ANKRD30B: variants seen among roughly 807,000 people sequenced by gnomAD.
The protein encoded by ANKRD30B is ankyrin repeat domain-containing protein 30B.
Under a neutral mutation model 202.2 loss-of-function variants are expected in ANKRD30B, and 144 were observed. That is an observed-to-expected ratio of 0.71 (90% CI 0.62 to 0.82). The LOEUF (loss-of-function observed/expected upper bound fraction) is 0.82. Among genes scored for constraint, ANKRD30B ranks in the 40% least tolerant of loss-of-function variants. The pLI is 0.00. For missense variants in ANKRD30B, 1,487 were observed against 1,669.1 expected, an observed-to-expected ratio of 0.89 and a Z score of 1.90; for synonymous variants, 508 against 561.3, an observed-to-expected ratio of 0.91 and a Z score of 1.34.
Position 14,752,893 on chromosome 18 carries a change from G to C in ANKRD30B, c.391G>C (p.Asp131His). ...CANILIDAGA[D>H]LNYVDVYGNT... ...AAATATTCTCATAGATGCTGGTGCT[G>C]ATCTAAATTATGTAGATGTGTATGG... is the stretch of plus-strand genomic sequence containing the variant. The change falls in exon 3 of 44, where the codon GAT becomes CAT. Residue 131 changes from aspartate to histidine, a missense_variant. Around this residue, in one of 6 missense-constraint regions of ANKRD30B, gnomAD observed 889 missense variants for 841.4 expected, o/e 1.06. Coordinates refer to ENST00000690538, the MANE Select transcript of ANKRD30B (RefSeq NM_001367607.2). 6.2e-7 allele frequency: 1 copy of C among 1,607,636 alleles called. No homozygotes were observed. The highest frequency in any genetic ancestry group is 1.3e-5 in the African/African-American group (1 of 74,582).
At chr18:14,839,721 T>G (rs534830423) in intron 36 of ANKRD30B, among the ~76,000 whole-genome samples, 1 of 152,310 alleles carries the variant, frequency 6.6e-6, no homozygotes, top group African/African-American at 2.4e-5. Flanking sequence ...TTCCTTTTAT[T>G]CAAGCAGTTC....
intron 26 of ANKRD30B, 144 bp from the exon 27 acceptor site, chr18:14,809,842 A>G (rs1271536738): frequency 1.2e-6 from 1 of 805,962 alleles, no homozygotes; most frequent in African/African-American, 1.7e-5. Context: ...TAACAAATAC[A>G]ATAACCCAAA....
intron 39 of ANKRD30B, among the ~76,000 whole-genome samples, chr18:14,846,607 T>A (rs1396945065): frequency 1.3e-5 from 2 of 152,068 alleles, no homozygotes; most frequent in African/African-American, 4.8e-5. Flanking sequence ...GCATTTATGT[T>A]ATTATCTACA....
intron 14 of ANKRD30B, among the ~76,000 whole-genome samples, chr18:14,784,899 C>A (rs991099832): frequency 7.2e-5 from 11 of 152,214 alleles, no homozygotes; most frequent in African/African-American, 2.6e-4. Flanking sequence ...GGGATCAAGT[C>A]TTTTACTGAT....
In ANKRD30B at chr18:14,850,200, A is replaced by T. The variant is rs1432755195; in HGVS notation, c.3396-14A>T. 1 of 1,470,152 alleles carries T rather than the reference A, an allele frequency of 6.8e-7. No individual in the cohort carries two copies. Among genetic ancestry groups the T allele is most frequent in the East Asian group, 2.3e-5 (1 of 42,674 alleles). 91.1% of individuals were successfully genotyped at this position (1,470,152 alleles called of 1,614,324 possible). On this transcript the variant is annotated splice_polypyrimidine_tract_variant and intron_variant, in intron 40 of 43. Coordinates refer to ENST00000690538, the MANE Select transcript of ANKRD30B (RefSeq NM_001367607.2). Reference sequence around the variant, plus strand: ...TAACAAAATGAATTTTAAGATAAGTATGTTTAATGGCAGATTGACTTTAAA... The same window carrying T: ...TAACAAAATGAATTTTAAGATAAGTTTGTTTAATGGCAGATTGACTTTAAA...
chr18:14,853,692 C>T (rs1486637294), intron 42 of ANKRD30B, among the ~76,000 whole-genome samples, 117 bp from the exon 43 acceptor site: 1 of 152,074 alleles, frequency 6.6e-6, no homozygotes, highest in Non-Finnish European at 1.5e-5. Flanking sequence ...CACTAACAAG[C>T]AGCAGTGTGC....
intron 28 of ANKRD30B, among the ~76,000 whole-genome samples, chr18:14,811,277 T>A (rs2144064286): frequency 6.6e-6 from 1 of 151,608 alleles, no homozygotes; most frequent in East Asian, 1.9e-4. Flanking sequence ...AGTGGTGTGA[T>A]CTTGGCGCAC....
the ANKRD30B span, among the ~76,000 whole-genome samples, chr18:14,895,718 A>C: frequency 2.6e-5 from 4 of 152,252 alleles, no homozygotes; most frequent in East Asian, 7.7e-4. Context: ...GAAGCCACAA[A>C]AAGACAAGGG....
At chr18:14,868,885 C>T in the ANKRD30B span, among the ~76,000 whole-genome samples, 1 of 152,166 alleles carries the variant, frequency 6.6e-6, no homozygotes, top group Non-Finnish European at 1.5e-5. Context: ...TGGGACTCTC[C>T]TGTTGGTGTT....
At chr18:14,795,867 T>C (rs1472140998) in intron 16 of ANKRD30B, among the ~76,000 whole-genome samples, 21 of 151,752 alleles carry the variant, frequency 1.4e-4, no homozygotes, top group Middle Eastern at 3.4e-3. Context: ...TTTTTTTTTT[T>C]GGCGGTGGGT....
At chr18:14,926,929 G>A in the ANKRD30B span, among the ~76,000 whole-genome samples, 2 of 151,788 alleles carry the variant, frequency 1.3e-5, no homozygotes, top group South Asian at 2.1e-4. Flanking sequence ...AGGGTTGTGT[G>A]TGTGTGTGTG....
chr18:14,887,501 A>G, the ANKRD30B span, among the ~76,000 whole-genome samples: 1 of 152,116 alleles, frequency 6.6e-6, no homozygotes, highest in Non-Finnish European at 1.5e-5. Context: ...ATTGGCAAGA[A>G]TATGTGGTGA....
At chr18:14,901,016 A>C in the ANKRD30B span, among the ~76,000 whole-genome samples, 1 of 152,224 alleles carries the variant, frequency 6.6e-6, no homozygotes, top group Admixed American at 6.5e-5. Flanking sequence ...CTTCAAATGC[A>C]TTCTTCATAA....
rs796443992 is a variant in ANKRD30B at position 14,831,621 on chromosome 18, G to GT, written c.2847+176dup. On this transcript the variant is annotated intron_variant, in intron 34 of 43. Transcript: ENST00000690538. ...GAAATATGAGTAGTTGATTTAAACA[G>GT]TTTTTTTTTTGTTTTTTTGTTTGTT... Among the ~76,000 whole-genome samples the GT allele has an allele frequency of 7.9e-3, 1,164 of 148,100 alleles. 14 individuals are homozygous for GT. Among genetic ancestry groups the GT allele is most frequent in the African/African-American group, 0.021 (868 of 40,550 alleles).
the ANKRD30B span, among the ~76,000 whole-genome samples, chr18:14,898,657 A>G: frequency 1.3e-5 from 2 of 152,054 alleles, no homozygotes. Flanking sequence ...TTTACCTTTT[A>G]TTGACTCTTT....
the ANKRD30B span, among the ~76,000 whole-genome samples, chr18:14,873,297 G>C: frequency 6.6e-6 from 1 of 152,176 alleles, no homozygotes; most frequent in East Asian, 1.9e-4. Flanking sequence ...AGGCCGAGGT[G>C]GGTGGATCAC....
intron 28 of ANKRD30B, among the ~76,000 whole-genome samples, chr18:14,811,663 T>C (rs1969930794): frequency 1.1e-5 from 1 of 93,376 alleles, no homozygotes; most frequent in Admixed American, 1.2e-4. Flanking sequence ...TTCTAATGCA[T>C]AGGTGGTTGT....
intron 32 of ANKRD30B, chr18:14,825,390 A>G (rs1399718927): frequency 6.6e-6 from 1 of 152,214 alleles, no homozygotes; most frequent in African/African-American, 2.4e-5. Context: ...TACAGATTAA[A>G]TGACAAAACT....
intron 14 of ANKRD30B, 68 bp from the exon 15 acceptor site, chr18:14,786,971 G>T: frequency 6.8e-7 from 1 of 1,467,436 alleles, no homozygotes; most frequent in Non-Finnish European, 9.3e-7. Flanking sequence ...AAGTAGACTT[G>T]TGTATGTTTT....
Sources: allele counts gnomAD v4.1 joint callset (sites outside exome capture counted in the v4.1 genomes callset), GRCh38; gene constraint gnomAD v4.1.1; regional missense constraint gnomAD v4.1.1; transcripts MANE v1.5; gene names NCBI Gene and HGNC (gene_info 2026-07-23, HGNC 2026-07-21).